Variants in UBE3B observed in about 807,000 individuals in gnomAD.
UBE3B encodes ubiquitin protein ligase E3B, also known as ubiquitin-protein ligase E3B.
UBE3B carries 80 observed loss-of-function variants against 132.3 expected under a neutral mutation model. That is an observed-to-expected ratio of 0.60 (90% CI 0.50 to 0.73). The LOEUF is 0.73. UBE3B is among the 30% of genes least tolerant of loss of function. UBE3B has a pLI of 0.00. For missense variants in UBE3B, 1,196 were observed against 1,362.5 expected, an observed-to-expected ratio of 0.88 and a Z score of 1.92; for synonymous variants, 487 against 520.4, an observed-to-expected ratio of 0.94 and a Z score of 0.87.
chr12:109,489,082 A>G lies in UBE3B; in HGVS notation c.544+414A>G, dbSNP rs568933103. Among the ~76,000 whole-genome samples, 12 of 152,286 alleles carry G rather than the reference A, an allele frequency of 7.9e-5. No homozygotes were observed. In the South Asian group the frequency reaches 1.5e-3, roughly 18 times the overall value. On this transcript the variant is annotated intron_variant, in intron 7 of 27. Transcript: ENST00000342494. ...AAGTGTCGTTAGTGCCGTGTGTTTC[A>G]TATGGTCATTTCATTCATCTGTTCA... is the stretch of plus-strand genomic sequence containing the variant.
chr12:109,521,630 T>C lies in UBE3B; in HGVS notation c.2364+79T>C. On this transcript the variant is annotated intron_variant, in intron 21 of 27. Transcript: ENST00000342494. The surrounding 1 kb of genome is among the most constrained non-coding windows in gnomAD (Gnocchi z 4.2). ...GGCTTCTTCACATACACATATGTGA[T>C]CAGGCTTGGCCATGTAAACTGTCAC... 7.6e-7 allele frequency: 1 copy of C among 1,321,698 alleles called. No individual in the cohort carries two copies. The highest frequency in any genetic ancestry group is 1.0e-6 in the Non-Finnish European group (1 of 966,804). 81.9% of individuals were successfully genotyped at this position (1,321,698 alleles called of 1,614,324 possible).
chr12:109,528,310 C>G (rs1452924567), intron 24 of UBE3B: 2 of 984,826 alleles, frequency 2.0e-6, no homozygotes, highest in Non-Finnish European at 1.2e-6. Flanking sequence ...CTCCCTTCCT[C>G]TCCCCCTTTC....
At chr12:109,508,892 C>A in intron 15 of UBE3B, 1 of 332,158 alleles carries the variant, frequency 3.0e-6, no homozygotes, top group Non-Finnish European at 4.3e-6. Flanking sequence ...TCTTAGATAT[C>A]GAAAAGATTC....
chr12:109,543,178 A>G, the UBE3B span, among the ~76,000 whole-genome samples: 1 of 152,258 alleles, frequency 6.6e-6, no homozygotes, highest in Non-Finnish European at 1.5e-5. Flanking sequence ...CGGGAAATAC[A>G]GAAGGGCTGC....
intron 19 of UBE3B, 153 bp from the exon 20 acceptor site, chr12:109,520,995 G>A: frequency 2.6e-6 from 2 of 770,140 alleles, no homozygotes. Flanking sequence ...TCATTCAAAA[G>A]CAGGTGAGAA....
At chr12:109,518,117 G>C (rs1881281294) in intron 19 of UBE3B, 2 of 228,548 alleles carry the variant, frequency 8.8e-6, no homozygotes, top group African/African-American at 4.5e-5. Context: ...TTGCGTGCTA[G>C]ACATATAGAA....
At chr12:109,491,200 G>A (rs749212032) in intron 9 of UBE3B, 73 bp downstream of exon 9, 299 of 1,443,348 alleles carry the variant, frequency 2.1e-4, no homozygotes, top group Non-Finnish European at 2.7e-4. Context: ...TCTTTCTCTC[G>A]TTACTGGTAT....
chr12:109,530,115 C>G, intron 25 of UBE3B, 43 bp downstream of exon 25: 1 of 1,607,798 alleles, frequency 6.2e-7, no homozygotes, highest in Non-Finnish European at 8.5e-7. Flanking sequence ...CTTGGCCTCC[C>G]AGAAAGCCAG....
chr12:109,502,595 A>C (rs145368333), intron 13 of UBE3B, among the ~76,000 whole-genome samples: 3 of 152,230 alleles, frequency 2.0e-5, no homozygotes, highest in African/African-American at 7.2e-5. Flanking sequence ...GTAGAATATC[A>C]TTCAAAACCA....
chr12:109,534,899 TCTCTATAGCCATGA>T lies in UBE3B; in HGVS notation c.*118_*131del, dbSNP rs1883304686. ...CCAGGTGACATTGGCCCCTAGACCCTCTCTATAGCCATGAGACTCCTTGTGGCCTCAAGAAATTT... is the reference window on the plus strand; with the variant it reads ...CCAGGTGACATTGGCCCCTAGACCCTGACTCCTTGTGGCCTCAAGAAATTT... On this transcript the variant is annotated 3_prime_UTR_variant, in exon 28 of 28. Coordinates refer to ENST00000342494, the MANE Select transcript of UBE3B (RefSeq NM_130466.4). This position sits in a 1 kb window ranked among gnomAD's most constrained non-coding sequence, Gnocchi z 5.2. 1.2e-6 allele frequency: 1 copy of T among 844,224 alleles called. No homozygotes were observed. Among genetic ancestry groups the T allele is most frequent in the Non-Finnish European group, 1.7e-6 (1 of 578,444 alleles). The allele number at this position is 844,224 out of a possible 1,614,324, so 52.3% of individuals were successfully genotyped here. A position where few individuals can be genotyped will look rare whatever the true frequency, so the allele number is the denominator to read the frequency against.
At position 109,534,291 on chromosome 12, in the gene UBE3B, C is replaced by G. The variant is rs760222552; in HGVS notation, c.3016-300C>G. On this transcript the variant is annotated intron_variant, in intron 27 of 27. Transcript: ENST00000342494. This position sits in a 1 kb window ranked among gnomAD's most constrained non-coding sequence, Gnocchi z 5.2. ...GGCACCTAACAGTTTTTACAGCATT[C>G]TACTTTTTGTCAATTGGTTAACCAG... 5 of 1,371,476 alleles carry G rather than the reference C, an allele frequency of 3.6e-6. No homozygotes were observed. The East Asian group carries it at 1.5e-4, about 40-fold the overall frequency. 85.0% of individuals were successfully genotyped at this position (1,371,476 alleles called of 1,614,324 possible).
At chr12:109,543,505 G>T in the UBE3B span, among the ~76,000 whole-genome samples, 4 of 152,222 alleles carry the variant, frequency 2.6e-5, no homozygotes, top group Non-Finnish European at 4.4e-5. Flanking sequence ...ACCCTACCTG[G>T]AATCGATCCT....
intron 23 of UBE3B, 148 bp downstream of exon 23, chr12:109,524,651 C>G: frequency 1.2e-6 from 1 of 846,658 alleles, no homozygotes; most frequent in South Asian, 1.8e-5. Flanking sequence ...TCCTCCTCCC[C>G]TCTTGCCAGG....
At chr12:109,487,883 G>A (rs2135810311) in intron 6 of UBE3B, among the ~76,000 whole-genome samples, 1 of 152,252 alleles carries the variant, frequency 6.6e-6, no homozygotes, top group South Asian at 2.1e-4. Flanking sequence ...GGTCTCCAAG[G>A]TTGTCTCCAA....
chr12:109,533,723 C>G (rs769627314), intron 27 of UBE3B, 165 bp downstream of exon 27: 41 of 840,536 alleles, frequency 4.9e-5, no homozygotes, highest in South Asian at 1.4e-4. Flanking sequence ...GGCAGGAGAA[C>G]CAGCCAGCCC....
chr12:109,494,456 C>A (rs1174258340), intron 9 of UBE3B, among the ~76,000 whole-genome samples: 1 of 152,140 alleles, frequency 6.6e-6, no homozygotes, highest in Non-Finnish European at 1.5e-5. Context: ...TTCTGTTTTT[C>A]CCCATATGCC....
chr12:109,500,062 T>C (rs1037027103), intron 12 of UBE3B, among the ~76,000 whole-genome samples: 12 of 152,306 alleles, frequency 7.9e-5, no homozygotes, highest in African/African-American at 2.6e-4. Context: ...TTTTACAAAA[T>C]TGAAATCCTA....
rs1413763708 is a variant in UBE3B at position 109,533,561 on chromosome 12, A to G, written c.3015+3A>G. Reference sequence around the variant, plus strand: ...GCGTGGAGGTGTCGGACGATCAGGTACCCCCACGGGGTGGGTGGGGAAGAG... The same window carrying G: ...GCGTGGAGGTGTCGGACGATCAGGTGCCCCCACGGGGTGGGTGGGGAAGAG... On this transcript the variant is annotated splice_donor_region_variant and intron_variant, in intron 27 of 27. Transcript: ENST00000342494. The G allele has an allele frequency of 1.2e-6, 2 of 1,611,084 alleles. No homozygotes were observed. The highest frequency in any genetic ancestry group is 1.7e-5 in the Admixed American group (1 of 59,804).
chr12:109,498,083 A>G lies in UBE3B; in HGVS notation c.820-150A>G, dbSNP rs545039180. 183 of 1,342,512 alleles carry G rather than the reference A, an allele frequency of 1.4e-4. 2 individuals carry two copies. In the African/African-American group the frequency reaches 2.5e-3, roughly 18 times the overall value. 83.2% of individuals were successfully genotyped at this position (1,342,512 alleles called of 1,614,324 possible). Reference sequence around the variant, plus strand: ...ATAGACACATTTGTGTTAGTAGCCCAAAGAAGTGGGTTCTTGTCTGTCCAT... The same window carrying G: ...ATAGACACATTTGTGTTAGTAGCCCGAAGAAGTGGGTTCTTGTCTGTCCAT... On this transcript the variant is annotated intron_variant, in intron 10 of 27. Transcript: ENST00000342494.
Sources: gnomAD v4.1 joint callset for allele counts (sites outside exome capture counted in the v4.1 genomes callset) on GRCh38, gnomAD v4.1.1 for gene constraint, Gnocchi (gnomAD v3.1) non-coding constraint, MANE v1.5 for transcripts, NCBI Gene and HGNC (gene_info 2026-07-23, HGNC 2026-07-21) for gene names.